The following ABTB3 variants were observed in gnomAD, a reference collection of about 807,000 sequenced individuals.
ABTB3 encodes ankyrin repeat and BTB domain containing 3, also known as ankyrin repeat- and BTB/POZ domain-containing protein 3.
At chr12:107,384,774 G>A in the ABTB3 span, among the ~76,000 whole-genome samples, 1 of 152,168 alleles carries the variant, frequency 6.6e-6, no homozygotes, top group Non-Finnish European at 1.5e-5. Flanking sequence ...AGGCTGAGCA[G>A]TTCCTGGGAA....
At chr12:107,603,278 G>C in the ABTB3 span, among the ~76,000 whole-genome samples, 1 of 152,212 alleles carries the variant, frequency 6.6e-6, no homozygotes, top group African/African-American at 2.4e-5. Context: ...AAATCGGGTT[G>C]AACAGAAAGC....
chr12:107,487,385 CT>C, the ABTB3 span, among the ~76,000 whole-genome samples: 3 of 152,132 alleles, frequency 2.0e-5, no homozygotes, highest in South Asian at 6.2e-4. Context: ...GGTCTAGTTC[CT>C]TTCTACACTG....
At chr12:107,366,416 A>G in the ABTB3 span, among the ~76,000 whole-genome samples, 10 of 152,098 alleles carry the variant, frequency 6.6e-5, no homozygotes, top group Non-Finnish European at 8.8e-5. Flanking sequence ...AGAAGAGAGT[A>G]AAAAAGGAAA....
chr12:107,576,951 A>G, the ABTB3 span, among the ~76,000 whole-genome samples: 36 of 152,044 alleles, frequency 2.4e-4, no homozygotes, highest in African/African-American at 8.7e-4. Flanking sequence ...CATCTTCCCT[A>G]GTCTACACAC....
chr12:107,564,486 G>A, the ABTB3 span, among the ~76,000 whole-genome samples: 4 of 152,300 alleles, frequency 2.6e-5, no homozygotes, highest in East Asian at 3.9e-4. Flanking sequence ...TGCAGGGCAC[G>A]TATCACCCCA....
chr12:107,363,608 T>C, the ABTB3 span, among the ~76,000 whole-genome samples: 4 of 152,190 alleles, frequency 2.6e-5, no homozygotes, highest in Admixed American at 2.0e-4. Context: ...TTCTAGGCAA[T>C]TCCCCACAGA....
the ABTB3 span, chr12:107,610,366 C>T: frequency 1.2e-4 from 187 of 1,613,484 alleles, 2 homozygotes; most frequent in South Asian, 1.6e-3. Context: ...GTACAGGGTC[C>T]GAGGGTCTGA....
the ABTB3 span, among the ~76,000 whole-genome samples, chr12:107,342,126 T>C: frequency 1.5e-4 from 23 of 152,304 alleles, no homozygotes; most frequent in East Asian, 4.1e-3. Flanking sequence ...AATTTTTGAC[T>C]TCTTGGTGAC....
At chr12:107,465,714 C>A in the ABTB3 span, among the ~76,000 whole-genome samples, 1 of 152,144 alleles carries the variant, frequency 6.6e-6, no homozygotes, top group Non-Finnish European at 1.5e-5. Flanking sequence ...AGGCCTCCAG[C>A]CTTGCCCACC....
At chr12:107,622,493 C>A in the ABTB3 span, among the ~76,000 whole-genome samples, 13 of 148,364 alleles carry the variant, frequency 8.8e-5, no homozygotes, top group East Asian at 2.5e-3. Context: ...TTTTTTTTTT[C>A]TTTTTTAAAA....
the ABTB3 span, among the ~76,000 whole-genome samples, chr12:107,630,348 C>CAT: frequency 6.6e-6 from 1 of 152,188 alleles, no homozygotes; most frequent in Non-Finnish European, 1.5e-5. Flanking sequence ...ATTCCCTAAA[C>CAT]CTCTGGCGAA....
chr12:107,468,648 T>C, the ABTB3 span, among the ~76,000 whole-genome samples: 1 of 152,162 alleles, frequency 6.6e-6, no homozygotes, highest in Non-Finnish European at 1.5e-5. Flanking sequence ...CATTTCTTAG[T>C]AGTCCACAAG....
chr12:107,556,434 A>G, the ABTB3 span, among the ~76,000 whole-genome samples: 1 of 152,054 alleles, frequency 6.6e-6, no homozygotes, highest in African/African-American at 2.4e-5. Flanking sequence ...AGGCTCAGAG[A>G]GGTTATGTAG....
the ABTB3 span, among the ~76,000 whole-genome samples, chr12:107,377,388 T>TGA: frequency 2.5e-3 from 356 of 140,278 alleles, 2 homozygotes; most frequent in African/African-American, 7.2e-3. Context: ...AACACTTCCT[T>TGA]GAGAGAGAGA....
At chr12:107,641,952 G>A in the ABTB3 span, 4 of 779,236 alleles carry the variant, frequency 5.1e-6, no homozygotes, top group Admixed American at 2.0e-5. Flanking sequence ...ATTAAGAAAT[G>A]TAAGGATATA....
At chr12:107,425,633 G>A in the ABTB3 span, among the ~76,000 whole-genome samples, 1 of 152,122 alleles carries the variant, frequency 6.6e-6, no homozygotes, top group Non-Finnish European at 1.5e-5. Context: ...TGGACCTCCC[G>A]GGTGAAAACC....
At chr12:107,580,920 G>A in the ABTB3 span, 5 of 1,551,500 alleles carry the variant, frequency 3.2e-6, no homozygotes, top group Non-Finnish European at 4.4e-6. Context: ...AGGAAACTGA[G>A]GCCCAAGGAT....
At chr12:107,534,804 C>A in the ABTB3 span, among the ~76,000 whole-genome samples, 22 of 152,246 alleles carry the variant, frequency 1.4e-4, no homozygotes, top group South Asian at 4.2e-3. Flanking sequence ...AATAAACATT[C>A]TCCTAACAAA....
the ABTB3 span, among the ~76,000 whole-genome samples, chr12:107,400,744 C>T: frequency 6.6e-6 from 1 of 152,052 alleles, no homozygotes; most frequent in Non-Finnish European, 1.5e-5. Flanking sequence ...CTTACACCCC[C>T]CCGCAAGAGT....
Sources: allele counts gnomAD v4.1 joint callset (sites outside exome capture counted in the v4.1 genomes callset), GRCh38; gene constraint gnomAD v4.1.1; transcripts MANE v1.5; gene names NCBI Gene and HGNC (gene_info 2026-07-23, HGNC 2026-07-21).